The following SPON1 variants were observed in gnomAD, a reference collection of about 807,000 sequenced individuals.
SPON1 encodes the protein spondin 1, also known as spondin-1.
Under a neutral mutation model 111.7 loss-of-function variants are expected in SPON1, and 52 were observed. That is an observed-to-expected ratio of 0.47 (90% CI 0.37 to 0.59). The LOEUF (loss-of-function observed/expected upper bound fraction) is 0.59. Ranked by LOEUF, SPON1 falls within the 20% of genes least tolerant of loss-of-function variation. The probability of loss-of-function intolerance (pLI) is 0.00; values close to 1 mark genes in which losing one functional copy is unlikely to be tolerated. For synonymous variants in SPON1, 410 were observed against 395.8 expected (o/e 1.04, Z -0.43); for missense variants, 957 against 1,068.5 (o/e 0.90, Z 1.46).
chr11:14,231,218 T>C (rs7951644), intron 6 of SPON1, among the ~76,000 whole-genome samples: 124,074 of 151,594 alleles, frequency 0.82, 50,885 homozygotes, highest in East Asian at 0.89. Flanking sequence ...ACTGCAACCT[T>C]CACCTCCCAG....
chr11:14,097,707 T>C (rs1849112620), intron 5 of SPON1, among the ~76,000 whole-genome samples: 1 of 152,144 alleles, frequency 6.6e-6, no homozygotes, highest in African/African-American at 2.4e-5. Flanking sequence ...GAACCCATGG[T>C]TAAGGCCATT....
intron 1 of SPON1, among the ~76,000 whole-genome samples, chr11:13,966,611 T>C (rs1848017992): frequency 6.6e-6 from 1 of 152,134 alleles, no homozygotes. Flanking sequence ...TCAAGCATAA[T>C]TGAGGGGTTT....
intron 3 of SPON1, among the ~76,000 whole-genome samples, chr11:14,069,175 G>C (rs918535943): frequency 5.3e-5 from 8 of 152,058 alleles, no homozygotes; most frequent in Non-Finnish European, 8.8e-5. Flanking sequence ...TCGTACCTAG[G>C]AGTCAGTTCC....
chr11:14,027,653 A>G (rs544853461), intron 2 of SPON1, among the ~76,000 whole-genome samples: 1 of 152,238 alleles, frequency 6.6e-6, no homozygotes, highest in Non-Finnish European at 1.5e-5. Flanking sequence ...TAAGCACAAT[A>G]TAAAAAGGCT....
chr11:14,135,694 T>C lies in SPON1; in HGVS notation c.825+126T>C, dbSNP rs181519379. The C allele has an allele frequency of 2.9e-5, 29 of 986,904 alleles. No individual in the cohort carries two copies. In the East Asian group the frequency reaches 6.9e-4, roughly 24 times the overall value. 61.1% of individuals were successfully genotyped at this position (986,904 alleles called of 1,614,324 possible). A position where few individuals can be genotyped will look rare whatever the true frequency, so the allele number is the denominator to read the frequency against. ...TGGAAGAAAATCTATTTGCTGAGTT[T>C]GGGGGTTTTATGTTAAGTAGAGGAC... On this transcript the variant is annotated intron_variant, in intron 6 of 15. Coordinates refer to ENST00000576479, the MANE Select transcript of SPON1 (RefSeq NM_006108.4). The surrounding 1 kb of genome is among the most constrained non-coding windows in gnomAD (Gnocchi z 4.4).
rs1254372369 is a variant in SPON1 at position 14,243,451 on chromosome 11, C to T, written c.890+55C>T. 5.9e-5 allele frequency: 85 copies of T among 1,452,162 alleles called. 1 individual carries two copies. The highest frequency in any genetic ancestry group is 4.3e-5 in the Non-Finnish European group (45 of 1,055,580). The allele number at this position is 1,452,162 out of a possible 1,614,324, so 90.0% of individuals were successfully genotyped here. ...GTCTTATCCTAGCCCCTTCTCAAAG[C>T]CACCTACCTAATGGCCACCACATAC... On this transcript the variant is annotated intron_variant, in intron 7 of 15. Coordinates refer to ENST00000576479, the MANE Select transcript of SPON1 (RefSeq NM_006108.4).
At chr11:14,035,526 C>A (rs1848587813) in intron 2 of SPON1, among the ~76,000 whole-genome samples, 1 of 151,620 alleles carries the variant, frequency 6.6e-6, no homozygotes, top group African/African-American at 2.4e-5. Context: ...AGGGAATTAT[C>A]TAATTAAAGG....
chr11:14,119,308 G>A (rs1026023477), intron 5 of SPON1, among the ~76,000 whole-genome samples: 15 of 152,044 alleles, frequency 9.9e-5, no homozygotes, highest in African/African-American at 3.6e-4. Flanking sequence ...GGAGGAGGAA[G>A]GGTCAAGGTA....
chr11:14,006,744 T>G (rs377008593), intron 2 of SPON1, among the ~76,000 whole-genome samples: 3 of 152,224 alleles, frequency 2.0e-5, no homozygotes, highest in Admixed American at 6.5e-5. Flanking sequence ...CTAGCAAAAC[T>G]CCAGCCCTGA....
intron 6 of SPON1, among the ~76,000 whole-genome samples, chr11:14,232,715 A>G (rs1848816028): frequency 6.6e-6 from 1 of 152,140 alleles, no homozygotes; most frequent in East Asian, 1.9e-4. Flanking sequence ...ACATCTTTCA[A>G]AAAATAATCA....
intron 6 of SPON1, among the ~76,000 whole-genome samples, chr11:14,158,125 GCA>G (rs1847870543): frequency 6.6e-6 from 1 of 152,086 alleles, no homozygotes; most frequent in Non-Finnish European, 1.5e-5. Context: ...CTTCTAGCAG[GCA>G]GTTGGAGTAT....
chr11:14,126,516 A>G (rs1847460950), intron 5 of SPON1, among the ~76,000 whole-genome samples: 1 of 152,164 alleles, frequency 6.6e-6, no homozygotes, highest in Non-Finnish European at 1.5e-5. Context: ...TCAAACTTAC[A>G]TGTCTAATTA....
chr11:14,233,677 G>A (rs1393934928), intron 6 of SPON1, among the ~76,000 whole-genome samples: 2 of 152,134 alleles, frequency 1.3e-5, no homozygotes, highest in East Asian at 1.9e-4. Flanking sequence ...CTCTAATGCT[G>A]GCTTCTGGGA....
chr11:14,172,513 G>T (rs1411599199), intron 6 of SPON1, among the ~76,000 whole-genome samples: 2 of 151,766 alleles, frequency 1.3e-5, no homozygotes, highest in South Asian at 2.1e-4. Context: ...ATATTGTTAT[G>T]TGTGAATTTG....
At chr11:14,215,634 G>T (rs1848618709) in intron 6 of SPON1, among the ~76,000 whole-genome samples, 2 of 152,220 alleles carry the variant, frequency 1.3e-5, no homozygotes, top group Admixed American at 1.3e-4. Context: ...CATTCAAGGG[G>T]AGATAACATA....
intron 6 of SPON1, among the ~76,000 whole-genome samples, chr11:14,220,265 A>G (rs545985809): frequency 6.6e-6 from 1 of 152,210 alleles, no homozygotes; most frequent in Admixed American, 6.5e-5. Flanking sequence ...ACATACCATC[A>G]AATTCAAGAT....
rs7948519 is a variant in SPON1 at position 14,247,787 on chromosome 11, T to C, written c.890+4391T>C. 7.7e-3 allele frequency among the ~76,000 whole-genome samples: 1,176 copies of C among 152,230 alleles called. 16 individuals carry two copies. The highest frequency in any genetic ancestry group is 0.026 in the African/African-American group (1,093 of 41,540). On this transcript the variant is annotated intron_variant, in intron 7 of 15. Coordinates refer to ENST00000576479, the MANE Select transcript of SPON1 (RefSeq NM_006108.4). ...AAGTTCAGTGGGAAAGATCATGGGA[T>C]CAGTTCTAAGTGTAAGTTGTTAAGA...
rs1174801293 is a variant in SPON1, at chr11:14,267,140, A to G, written c.*1453A>G. The G allele has an allele frequency of 6.6e-6, 1 of 152,252 alleles. No individual in the cohort carries two copies. Among genetic ancestry groups the G allele is most frequent in the Non-Finnish European group, 1.5e-5 (1 of 68,044 alleles). The allele number at this position is 152,252 out of a possible 1,614,324, so 9.4% of individuals were successfully genotyped here. ...ATTAAACACATCAGAATATTTCCAAATACAACATAGTATAGTCCTGAATAT... is the reference window on the plus strand; with the variant it reads ...ATTAAACACATCAGAATATTTCCAAGTACAACATAGTATAGTCCTGAATAT... On this transcript the variant is annotated 3_prime_UTR_variant, in exon 16 of 16. Transcript: ENST00000576479.
At chr11:14,264,034 T>TA (rs113927403) in intron 15 of SPON1, among the ~76,000 whole-genome samples, 4,444 of 117,614 alleles carry the variant, frequency 0.038, 83 homozygotes, top group East Asian at 0.063. Context: ...CGTCTCAAAT[T>TA]AAAAAAAAAA....
Sources: allele counts gnomAD v4.1 joint callset (sites outside exome capture counted in the v4.1 genomes callset), GRCh38; gene constraint gnomAD v4.1.1; non-coding constraint Gnocchi (gnomAD v3.1); transcripts MANE v1.5; gene names NCBI Gene and HGNC (gene_info 2026-07-23, HGNC 2026-07-21).